The following TBC1D5 variants were observed in gnomAD, a reference collection of about 807,000 sequenced individuals.
TBC1D5 encodes the protein TBC1 domain family, member 5.
In TBC1D5, 75 loss-of-function variants were observed where a neutral mutation model predicts 100.3. The observed-to-expected ratio is 0.75, with a 90% CI of 0.62 to 0.91. The LOEUF (loss-of-function observed/expected upper bound fraction) is 0.91, where lower values mean the gene tolerates loss of function less well. TBC1D5 is among the 40% of genes least tolerant of loss of function. The probability of loss-of-function intolerance (pLI) is 0.00; values close to 1 mark genes in which losing one functional copy is unlikely to be tolerated. For synonymous variants in TBC1D5, 323 were observed against 325.6 expected (o/e 0.99, Z 0.09); for missense variants, 910 against 942.4 (o/e 0.97, Z 0.45).
chr3:17,675,820 G>A (rs888003885), intron 1 of TBC1D5, among the ~76,000 whole-genome samples: 6 of 152,088 alleles, frequency 3.9e-5, no homozygotes, highest in Non-Finnish European at 8.8e-5. Flanking sequence ...AGAACAAAAA[G>A]ACGTTTCCTT....
chr3:17,378,025 C>T (rs1264297350), intron 9 of TBC1D5, among the ~76,000 whole-genome samples: 1 of 151,514 alleles, frequency 6.6e-6, no homozygotes, highest in Non-Finnish European at 1.5e-5. Context: ...TTGGAATAGT[C>T]TCAAGTTACT....
chr3:17,579,070 T>C (rs2096675432), intron 2 of TBC1D5, among the ~76,000 whole-genome samples: 1 of 152,078 alleles, frequency 6.6e-6, no homozygotes, highest in Non-Finnish European at 1.5e-5. Context: ...ACTTATAAAA[T>C]GTGGGGCACA....
rs6795696 is a variant in TBC1D5 at position 17,729,508 on chromosome 3, C to T, written c.-101+9835G>A. 7.0e-3 allele frequency among the ~76,000 whole-genome samples: 1,067 copies of T among 151,400 alleles called. 12 individuals are homozygous for T. The highest frequency in any genetic ancestry group is 0.024 in the African/African-American group (982 of 41,276). On this transcript the variant is annotated intron_variant, in intron 1 of 21. Coordinates refer to ENST00000253692, the Ensembl canonical transcript of TBC1D5. ...AGATTACGAGGTCAGGAGATCGAGA[C>T]CATCTTGGCTAACACGGTGAAACCC...
chr3:17,300,155 G>T (rs2082683626), intron 14 of TBC1D5, among the ~76,000 whole-genome samples: 1 of 152,160 alleles, frequency 6.6e-6, no homozygotes, highest in Non-Finnish European at 1.5e-5. Flanking sequence ...AACGGTGTTT[G>T]TAACAGGGTA....
intron 2 of TBC1D5, among the ~76,000 whole-genome samples, chr3:17,549,191 C>A (rs2096449434): frequency 6.6e-6 from 1 of 152,112 alleles, no homozygotes; most frequent in Admixed American, 6.5e-5. Context: ...ATCCCAGTTA[C>A]TTGGGAGGCT....
intron 15 of TBC1D5, among the ~76,000 whole-genome samples, chr3:17,288,908 G>A (rs2081431281): frequency 1.3e-5 from 2 of 152,136 alleles, no homozygotes; most frequent in African/African-American, 2.4e-5. Context: ...CAGCAAGGCC[G>A]AACCAGCCCC....
intron 2 of TBC1D5, among the ~76,000 whole-genome samples, chr3:17,617,064 C>T (rs1422670031): frequency 6.6e-6 from 1 of 152,164 alleles, no homozygotes; most frequent in Non-Finnish European, 1.5e-5. Flanking sequence ...CCTTCAGGAG[C>T]TCGCTCTTGT....
chr3:17,387,427 T>C (rs935393602), intron 8 of TBC1D5, among the ~76,000 whole-genome samples: 1 of 152,042 alleles, frequency 6.6e-6, no homozygotes, highest in African/African-American at 2.4e-5. Context: ...CATAAGAACC[T>C]AGCTCTGAAG....
intron 8 of TBC1D5, among the ~76,000 whole-genome samples, chr3:17,396,142 A>G (rs190967384): frequency 9.8e-4 from 149 of 152,220 alleles, no homozygotes; most frequent in Non-Finnish European, 1.7e-3. Context: ...ACAAGTGCAT[A>G]TGTGAGGGCT....
At chr3:17,368,569 T>C (rs1051447272) in intron 13 of TBC1D5, among the ~76,000 whole-genome samples, 2 of 152,102 alleles carry the variant, frequency 1.3e-5, no homozygotes, top group African/African-American at 2.4e-5. Flanking sequence ...TGTAAATATA[T>C]ATTTATGATT....
intron 1 of TBC1D5, among the ~76,000 whole-genome samples, chr3:17,660,600 A>G (rs2066546801): frequency 6.6e-6 from 1 of 152,236 alleles, no homozygotes; most frequent in African/African-American, 2.4e-5. Flanking sequence ...CTGGAACTGA[A>G]GAATGTTTGT....
At chr3:17,381,705 C>T (rs1483068632) in intron 9 of TBC1D5, among the ~76,000 whole-genome samples, 1 of 151,938 alleles carries the variant, frequency 6.6e-6, no homozygotes, top group Non-Finnish European at 1.5e-5. Context: ...TTTAGTCTTT[C>T]GACTTTTTAT....
At chr3:17,635,727 A>ACC (rs2063854385) in intron 1 of TBC1D5, among the ~76,000 whole-genome samples, 1 of 152,206 alleles carries the variant, frequency 6.6e-6, no homozygotes, top group Admixed American at 6.5e-5. Context: ...AAGGTAAAGA[A>ACC]CAGAATGAAT....
chr3:17,651,513 A>G lies in TBC1D5; in HGVS notation c.-100-27600T>C, dbSNP rs140670334. Among the ~76,000 whole-genome samples the G allele has an allele frequency of 2.0e-5, 3 of 152,318 alleles. No individual in the cohort carries two copies. The South Asian group carries it at 6.2e-4, about 32-fold the overall frequency. The stretch of plus-strand genomic sequence containing the variant: ...TTACTCCTTGTCCATATTCAAGACC[A>G]GTCTGGCCAACATGGTGAAACACCG... On this transcript the variant is annotated intron_variant, in intron 1 of 21. Coordinates refer to ENST00000253692, the Ensembl canonical transcript of TBC1D5.
chr3:17,247,384 T>A (rs945240618), intron 16 of TBC1D5, among the ~76,000 whole-genome samples: 3 of 152,212 alleles, frequency 2.0e-5, no homozygotes, highest in Non-Finnish European at 4.4e-5. Context: ...TCTGTTTACA[T>A]TATACTGCAG....
rs556692314 is a variant in TBC1D5, at chr3:17,553,807, C to T, written c.-35-45202G>A. On this transcript the variant is annotated intron_variant, in intron 2 of 21. Coordinates refer to ENST00000253692, the Ensembl canonical transcript of TBC1D5. ...AATTATGAATACCAAAACATTTAGT[C>T]CCCTTGCGGGTTCAGATAAGAGACT... Among the ~76,000 whole-genome samples the T allele has an allele frequency of 1.2e-4, 18 of 152,242 alleles. No homozygotes were observed. In the East Asian group the frequency reaches 3.5e-3, roughly 29 times the overall value.
intron 1 of TBC1D5, among the ~76,000 whole-genome samples, chr3:17,711,163 T>G (rs948322657): frequency 3.3e-5 from 5 of 152,202 alleles, no homozygotes; most frequent in Non-Finnish European, 7.3e-5. Flanking sequence ...ACAGAAGTCT[T>G]GAGAGAACAC....
At chr3:17,573,607 A>G (rs1356358095) in intron 2 of TBC1D5, among the ~76,000 whole-genome samples, 1 of 152,062 alleles carries the variant, frequency 6.6e-6, no homozygotes, top group Non-Finnish European at 1.5e-5. Context: ...TCAATTTGCA[A>G]ACTCAAACTA....
intron 19 of TBC1D5, among the ~76,000 whole-genome samples, chr3:17,184,221 A>G (rs2068755187): frequency 1.3e-5 from 2 of 152,234 alleles, no homozygotes; most frequent in South Asian, 2.1e-4. Context: ...CCAATGTGAC[A>G]TGCATGACCC....
Sources: allele counts gnomAD v4.1 joint callset (sites outside exome capture counted in the v4.1 genomes callset), GRCh38; gene constraint gnomAD v4.1.1; transcripts MANE v1.5; gene names NCBI Gene and HGNC (gene_info 2026-07-23, HGNC 2026-07-21).